The following PTBP2 variants were observed in gnomAD, a reference collection of about 807,000 sequenced individuals.
PTBP2 encodes the protein polypyrimidine tract binding protein 2.
A neutral mutation model predicts 61.4 loss-of-function variants in PTBP2; 13 were observed. That is an observed-to-expected ratio of 0.21 (90% CI 0.14 to 0.34). PTBP2 has a LOEUF of 0.34. PTBP2 is among the 10% of genes least tolerant of loss of function. The probability of loss-of-function intolerance (pLI) is 1.00; values close to 1 mark genes in which losing one functional copy is unlikely to be tolerated. For synonymous variants in PTBP2, 215 were observed against 218.5 expected (o/e 0.98, Z 0.14); for missense variants, 405 against 642.6 (o/e 0.63, Z 4.00).
intron 2 of PTBP2, 54 bp downstream of exon 2, chr1:96,723,648 C>G (rs1649960041): frequency 2.0e-6 from 3 of 1,478,584 alleles, no homozygotes; most frequent in Non-Finnish European, 2.8e-6. Context: ...ATCATAATTA[C>G]TGGAAAATTT....
At chr1:96,749,904 TA>T (rs1452160440) in intron 2 of PTBP2, among the ~76,000 whole-genome samples, 1 of 152,128 alleles carries the variant, frequency 6.6e-6, no homozygotes, top group Non-Finnish European at 1.5e-5. Flanking sequence ...ACCTAACTGA[TA>T]AGTGGAAGCT....
chr1:96,808,638 A>G (rs969927248), intron 11 of PTBP2, among the ~76,000 whole-genome samples: 3 of 152,158 alleles, frequency 2.0e-5, no homozygotes, highest in Admixed American at 1.3e-4. Flanking sequence ...ATTTTATAAG[A>G]TATTGTCACT....
chr1:96,817,527 T>G (rs1215125950), downstream of PTBP2: 4 of 152,112 alleles, frequency 2.6e-5, no homozygotes, highest in Non-Finnish European at 5.9e-5. Flanking sequence ...AGTATTAGAT[T>G]ATTCACATTA....
At chr1:96,772,958 C>CAA (rs748334688) in intron 5 of PTBP2, among the ~76,000 whole-genome samples, 9 of 115,368 alleles carry the variant, frequency 7.8e-5, no homozygotes, top group Admixed American at 1.8e-4. Flanking sequence ...ACTAAAAATA[C>CAA]AAAAAAAAAA....
At chr1:96,810,430 C>G (rs1446405071) in intron 11 of PTBP2, among the ~76,000 whole-genome samples, 1 of 152,152 alleles carries the variant, frequency 6.6e-6, no homozygotes, top group African/African-American at 2.4e-5. Context: ...TTCTAATTAT[C>G]ATCCCCCTTC....
Position 96,736,851 on chromosome 1 carries a change from GT to G in PTBP2, c.39+13266del, listed in dbSNP as rs989419646. ...GCCACCACACCTGGCTAATTTTTGA[GT>G]TTTTTTTTGTAGAGACAGCGTCTCG... On this transcript the variant is annotated intron_variant, in intron 2 of 13. Transcript: ENST00000674951. 5.3e-5 allele frequency among the ~76,000 whole-genome samples: 8 copies of G among 149,852 alleles called. 1 individual carries two copies. Among genetic ancestry groups the G allele is most frequent in the Admixed American group, 4.0e-4 (6 of 15,044 alleles).
intron 8 of PTBP2, among the ~76,000 whole-genome samples, chr1:96,797,850 C>T (rs529530076): frequency 1.3e-4 from 20 of 152,192 alleles, no homozygotes; most frequent in African/African-American, 4.1e-4. Context: ...TGTTTTACCC[C>T]CAAATATTTT....
At chr1:96,726,068 C>A (rs1650424463) in intron 2 of PTBP2, among the ~76,000 whole-genome samples, 3 of 72,606 alleles carry the variant, frequency 4.1e-5, no homozygotes, top group South Asian at 6.2e-4. Flanking sequence ...GAGACAGACT[C>A]TATCTCAAAA....
intron 2 of PTBP2, among the ~76,000 whole-genome samples, 174 bp downstream of exon 2, chr1:96,723,768 T>C (rs1242515089): frequency 6.6e-6 from 1 of 152,240 alleles, no homozygotes; most frequent in African/African-American, 2.4e-5. Flanking sequence ...ACCATAAGTT[T>C]TTCTAGAACT....
intron 11 of PTBP2, 81 bp downstream of exon 11, chr1:96,807,039 C>A: frequency 9.6e-7 from 1 of 1,044,860 alleles, no homozygotes; most frequent in Non-Finnish European, 1.4e-6. Flanking sequence ...TAAAAATAAA[C>A]TCCTTTACAT....
intron 3 of PTBP2, among the ~76,000 whole-genome samples, chr1:96,753,510 T>G (rs1395219040): frequency 6.6e-6 from 1 of 151,820 alleles, no homozygotes; most frequent in Non-Finnish European, 1.5e-5. Context: ...CATGATATAG[T>G]TTTCCTGCAA....
At chr1:96,820,120 G>A (rs1268564203) in exon 14 of PTBP2, 1 of 151,912 alleles carries the variant, frequency 6.6e-6, no homozygotes. Context: ...CTGTAAAATG[G>A]AGAGAATTAC....
chr1:96,785,687 A>G (rs1419861473), intron 8 of PTBP2, among the ~76,000 whole-genome samples: 3 of 152,238 alleles, frequency 2.0e-5, no homozygotes, highest in Non-Finnish European at 4.4e-5. Flanking sequence ...GTTAAGAGAC[A>G]AAACATACAT....
intron 11 of PTBP2, among the ~76,000 whole-genome samples, chr1:96,810,165 GAAATGTAAA>G (rs1282192297): frequency 1.3e-5 from 2 of 152,032 alleles, no homozygotes; most frequent in Non-Finnish European, 2.9e-5. Flanking sequence ...TGGATTAAGG[GAAATGTAAA>G]AAATTACATT....
chr1:96,761,806 A>G (rs1056314780), intron 3 of PTBP2, among the ~76,000 whole-genome samples: 2 of 152,002 alleles, frequency 1.3e-5, no homozygotes, highest in African/African-American at 4.8e-5. Flanking sequence ...TGGCAGGGTC[A>G]TAGGACAATA....
chr1:96,738,079 G>T (rs1570731291), intron 2 of PTBP2, among the ~76,000 whole-genome samples: 1 of 152,102 alleles, frequency 6.6e-6, no homozygotes, highest in Non-Finnish European at 1.5e-5. Flanking sequence ...ACAGATAGTT[G>T]TCTAGGCAAG....
intron 2 of PTBP2, among the ~76,000 whole-genome samples, chr1:96,730,554 A>G (rs1651258669): frequency 6.6e-6 from 1 of 152,150 alleles, no homozygotes; most frequent in Non-Finnish European, 1.5e-5. Context: ...TGGCCAGAGA[A>G]CATATTTTCT....
chr1:96,733,186 C>T (rs765683237), intron 2 of PTBP2, among the ~76,000 whole-genome samples: 28 of 151,314 alleles, frequency 1.9e-4, no homozygotes, highest in Non-Finnish European at 3.7e-4. Flanking sequence ...TGACATAACT[C>T]GGCTGTTAGC....
At position 96,751,238 on chromosome 1, in the gene PTBP2, G is replaced by A. The variant is rs1164447506; in HGVS notation, c.40-187G>A. On this transcript the variant is annotated intron_variant, in intron 2 of 13. Coordinates refer to ENST00000674951, the MANE Select transcript of PTBP2 (RefSeq NM_021190.4). The stretch of plus-strand genomic sequence containing the variant: ...AGAGTAAAGAAGGGAAGGGAACACT[G>A]TTGCCTTTGTGAGAATGGGAGAGGG... The A allele has an allele frequency of 4.4e-6, 3 of 674,446 alleles. No homozygotes were observed. The African/African-American group carries it at 5.3e-5, about 12-fold the overall frequency. 41.8% of individuals were successfully genotyped at this position (674,446 alleles called of 1,614,324 possible).
Sources: allele counts gnomAD v4.1 joint callset (sites outside exome capture counted in the v4.1 genomes callset), GRCh38; gene constraint gnomAD v4.1.1; transcripts MANE v1.5; gene names NCBI Gene and HGNC (gene_info 2026-07-23, HGNC 2026-07-21).